The following EYA2 variants were observed in gnomAD, a reference collection of about 807,000 sequenced individuals.
EYA2 encodes protein phosphatase EYA2.
EYA2 carries 31 observed loss-of-function variants against 69.2 expected under a neutral mutation model. That is an observed-to-expected ratio of 0.45 (90% confidence interval 0.34 to 0.60). EYA2 has a LOEUF of 0.60. Ranked by LOEUF, EYA2 falls within the 20% of genes least tolerant of loss-of-function variation. The probability of loss-of-function intolerance (pLI) is 0.02; values close to 1 mark genes in which losing one functional copy is unlikely to be tolerated. For missense variants in EYA2, 622 were observed against 701.2 expected (o/e 0.89, Z 1.28); for synonymous variants, 257 against 279.4 (o/e 0.92, Z 0.80).
chr20:46,962,365 A>T (rs1448843306), intron 1 of EYA2, among the ~76,000 whole-genome samples: 1 of 152,214 alleles, frequency 6.6e-6, no homozygotes, highest in African/African-American at 2.4e-5. Context: ...AAGAAATGAT[A>T]AATGTTTGAG....
At chr20:46,957,806 C>A (rs1979227097) in intron 1 of EYA2, among the ~76,000 whole-genome samples, 1 of 152,114 alleles carries the variant, frequency 6.6e-6, no homozygotes, top group Non-Finnish European at 1.5e-5. Flanking sequence ...CTGTTGTAAG[C>A]CACCAAGTTT....
intron 9 of EYA2, among the ~76,000 whole-genome samples, chr20:47,098,059 C>G (rs2032304484): frequency 6.6e-6 from 1 of 152,144 alleles, no homozygotes; most frequent in South Asian, 2.1e-4. Context: ...TCCAGCTGCT[C>G]ATGTTTTTTA....
chr20:47,168,214 C>CA (rs1283509816), intron 10 of EYA2, among the ~76,000 whole-genome samples: 1 of 150,298 alleles, frequency 6.7e-6, no homozygotes, highest in Non-Finnish European at 1.5e-5. Context: ...TTTTTTGAGA[C>CA]AGAGTCTTGC....
At chr20:46,934,620 A>C (rs1013727178) in intron 1 of EYA2, among the ~76,000 whole-genome samples, 3 of 152,162 alleles carry the variant, frequency 2.0e-5, no homozygotes, top group Non-Finnish European at 4.4e-5. Context: ...AGGGAAGAGG[A>C]GGTGGATGCT....
At chr20:46,904,155 C>T (rs894424586) in intron 1 of EYA2, among the ~76,000 whole-genome samples, 1 of 152,180 alleles carries the variant, frequency 6.6e-6, no homozygotes, top group African/African-American at 2.4e-5. Context: ...ACCCTCTCAA[C>T]GTCCCAGACA....
Position 47,021,398 on chromosome 20 carries a change from G to A in EYA2, c.415+5101G>A, listed in dbSNP as rs148183350. On this transcript the variant is annotated intron_variant, in intron 5 of 15. Transcript: ENST00000327619. ...TCCCAGCCCTTTGGGAGGCTGAGGC[G>A]GGCGGATCATCTGAGCTCAGGAGTT... Among the ~76,000 whole-genome samples, 1,075 of 152,096 alleles carry A rather than the reference G, an allele frequency of 7.1e-3. 8 individuals are homozygous for A. The highest frequency in any genetic ancestry group is 0.025 in the African/African-American group (1,018 of 41,464).
chr20:46,897,482 C>T (rs1007330), intron 1 of EYA2, among the ~76,000 whole-genome samples: 51,060 of 152,052 alleles, frequency 0.34, 9,241 homozygotes, highest in East Asian at 0.44. Flanking sequence ...TTGCATCGGG[C>T]GCAAGAGAGC....
At chr20:46,973,418 T>C (rs1354424207) in intron 1 of EYA2, among the ~76,000 whole-genome samples, 1 of 152,208 alleles carries the variant, frequency 6.6e-6, no homozygotes, top group East Asian at 1.9e-4. Context: ...AGATTCCGTA[T>C]CTTACAATCC....
chr20:47,097,811 G>C (rs1006092819), intron 9 of EYA2, among the ~76,000 whole-genome samples: 1 of 152,160 alleles, frequency 6.6e-6, no homozygotes, highest in Admixed American at 6.5e-5. Context: ...CATCCCATGG[G>C]CTACTGAACA....
intron 7 of EYA2, among the ~76,000 whole-genome samples, chr20:47,086,213 C>T (rs1000802553): frequency 2.0e-5 from 3 of 152,130 alleles, no homozygotes; most frequent in Non-Finnish European, 1.5e-5. Flanking sequence ...TGGCTGGGCA[C>T]AGTGGCTCAT....
intron 5 of EYA2, among the ~76,000 whole-genome samples, chr20:47,062,997 G>A (rs1419095388): frequency 6.6e-6 from 1 of 152,136 alleles, no homozygotes; most frequent in Non-Finnish European, 1.5e-5. Context: ...CCAAAGCCTG[G>A]GAGACAGGCC....
At chr20:47,178,335 C>CAAAA (rs11482454) in intron 12 of EYA2, among the ~76,000 whole-genome samples, 3 of 122,400 alleles carry the variant, frequency 2.5e-5, no homozygotes, top group Admixed American at 9.0e-5. Context: ...GATCTTGTCT[C>CAAAA]AAAAAAAAAA....
chr20:46,916,950 T>C (rs955980823), intron 1 of EYA2, among the ~76,000 whole-genome samples: 4 of 152,202 alleles, frequency 2.6e-5, no homozygotes, highest in Admixed American at 6.5e-5. Context: ...ATAAAATACA[T>C]AAATTAGTAG....
intron 5 of EYA2, among the ~76,000 whole-genome samples, chr20:47,044,450 A>G (rs2029926629): frequency 3.9e-5 from 6 of 152,206 alleles, no homozygotes; most frequent in Admixed American, 3.3e-4. Context: ...TATTTGTAAT[A>G]GAATAAATAA....
chr20:46,928,895 T>C (rs988479950), intron 1 of EYA2, among the ~76,000 whole-genome samples: 1 of 152,172 alleles, frequency 6.6e-6, no homozygotes, highest in South Asian at 2.1e-4. Flanking sequence ...TAGGGGCCTC[T>C]ACCTCTGAAC....
chr20:47,137,977 T>C (rs2033514738), intron 9 of EYA2, among the ~76,000 whole-genome samples: 1 of 121,504 alleles, frequency 8.2e-6, no homozygotes, highest in African/African-American at 3.4e-5. Context: ...CATCACACTC[T>C]GGGGACTGTT....
At chr20:47,115,480 T>C (rs1230375411) in intron 9 of EYA2, among the ~76,000 whole-genome samples, 1 of 152,164 alleles carries the variant, frequency 6.6e-6, no homozygotes, top group East Asian at 1.9e-4. Flanking sequence ...AGAAGTTACT[T>C]CCTCGAGGGT....
intron 5 of EYA2, among the ~76,000 whole-genome samples, chr20:47,056,648 AGT>A (rs1220474676): frequency 6.6e-6 from 1 of 152,168 alleles, no homozygotes; most frequent in Non-Finnish European, 1.5e-5. Flanking sequence ...ATGTGTCCAT[AGT>A]TATCAGGGAA....
chr20:47,104,839 G>C (rs925964357), intron 9 of EYA2, among the ~76,000 whole-genome samples: 11 of 152,072 alleles, frequency 7.2e-5, no homozygotes, highest in Non-Finnish European at 2.9e-5. Flanking sequence ...TGGCCAACAT[G>C]GTGAAACTCC....
Sources: gnomAD v4.1 joint callset for allele counts (sites outside exome capture counted in the v4.1 genomes callset) on GRCh38, gnomAD v4.1.1 for gene constraint, MANE v1.5 for transcripts, NCBI Gene and HGNC (gene_info 2026-07-23, HGNC 2026-07-21) for gene names.